The following ACTR3C variants were observed in gnomAD, a reference collection of about 807,000 sequenced individuals.
ACTR3C encodes actin related protein 3C.
ACTR3C carries 18 observed loss-of-function variants against 26.3 expected under a neutral mutation model. That is an observed-to-expected ratio of 0.68 (90% confidence interval 0.47 to 1.01). ACTR3C has a LOEUF of 1.01. Ranked by LOEUF, ACTR3C falls within the 50% of genes least tolerant of loss-of-function variation. The probability of loss-of-function intolerance (pLI) is 0.00; values close to 1 mark genes in which losing one functional copy is unlikely to be tolerated. For missense variants in ACTR3C, 184 were observed against 250.7 expected, an observed-to-expected ratio of 0.73 and a Z score of 1.80; for synonymous variants, 55 against 94.5, an observed-to-expected ratio of 0.58 and a Z score of 2.42.
At chr7:150,096,579 A>G in the ACTR3C span, among the ~76,000 whole-genome samples, 2 of 151,898 alleles carry the variant, frequency 1.3e-5, no homozygotes, top group Admixed American at 6.5e-5. Flanking sequence ...TACTACAGCT[A>G]CCATCCTAAA....
chr7:150,041,877 G>C, the ACTR3C span, among the ~76,000 whole-genome samples: 1 of 141,734 alleles, frequency 7.1e-6, no homozygotes, highest in Admixed American at 6.8e-5. Context: ...CGTGAGGGTT[G>C]CCTCCCCCTC....
the ACTR3C span, among the ~76,000 whole-genome samples, chr7:149,982,331 T>C: frequency 1.3e-5 from 2 of 152,282 alleles, no homozygotes; most frequent in East Asian, 3.9e-4. Flanking sequence ...TCATGAATTG[T>C]TTAAGTTCAC....
At chr7:149,978,320 C>T in the ACTR3C span, among the ~76,000 whole-genome samples, 4 of 151,880 alleles carry the variant, frequency 2.6e-5, no homozygotes, top group East Asian at 1.9e-4. Context: ...TGTGCGTCCA[C>T]GTGACTATTA....
the ACTR3C span, among the ~76,000 whole-genome samples, chr7:150,152,818 C>CTT: frequency 2.6e-5 from 4 of 152,048 alleles, no homozygotes; most frequent in Non-Finnish European, 2.9e-5. Context: ...AATTTCAGAG[C>CTT]CTGTTATTGG....
the ACTR3C span, among the ~76,000 whole-genome samples, chr7:150,070,861 C>T: frequency 6.7e-6 from 1 of 148,964 alleles, no homozygotes; most frequent in South Asian, 2.1e-4. Context: ...GTGGCGTGAT[C>T]TCAGCTCACT....
chr7:150,112,243 C>T, the ACTR3C span, among the ~76,000 whole-genome samples: 3 of 152,112 alleles, frequency 2.0e-5, no homozygotes, highest in Non-Finnish European at 2.9e-5. Flanking sequence ...CTGGGAACGG[C>T]CTCCTTCCTG....
At chr7:150,186,187 T>C in the ACTR3C span, among the ~76,000 whole-genome samples, 3 of 152,178 alleles carry the variant, frequency 2.0e-5, no homozygotes, top group Non-Finnish European at 2.9e-5. Context: ...AAACTCTCTC[T>C]TCTAAAACAA....
At chr7:150,097,451 G>A in the ACTR3C span, among the ~76,000 whole-genome samples, 5 of 151,606 alleles carry the variant, frequency 3.3e-5, no homozygotes, top group Non-Finnish European at 4.4e-5. Flanking sequence ...AGACTGCTTC[G>A]TAAGGAGTTC....
At chr7:150,299,315 C>T (rs558709318) in intron 1 of ACTR3C, among the ~76,000 whole-genome samples, 170 of 150,642 alleles carry the variant, frequency 1.1e-3, no homozygotes, top group African/African-American at 3.8e-3. Context: ...GTGTGGTAGC[C>T]GGGTGTGTGC....
chr7:150,012,465 C>A, the ACTR3C span, among the ~76,000 whole-genome samples: 2 of 151,830 alleles, frequency 1.3e-5, no homozygotes, highest in African/African-American at 4.8e-5. Flanking sequence ...CAGGCGCCCA[C>A]CACCATGCCC....
chr7:150,185,981 T>A, the ACTR3C span, among the ~76,000 whole-genome samples: 1 of 152,146 alleles, frequency 6.6e-6, no homozygotes, highest in East Asian at 1.9e-4. Flanking sequence ...TGATCTCGGA[T>A]TAGTGAAGAA....
chr7:150,131,323 A>G, the ACTR3C span, among the ~76,000 whole-genome samples: 1 of 151,700 alleles, frequency 6.6e-6, no homozygotes. Context: ...TTTATCTCTG[A>G]AATATGATGC....
the ACTR3C span, among the ~76,000 whole-genome samples, chr7:149,989,612 C>A: frequency 2.6e-5 from 4 of 152,206 alleles, no homozygotes; most frequent in Non-Finnish European, 5.9e-5. Flanking sequence ...ACAGACTCTC[C>A]TGCTTTTTTA....
chr7:150,312,624 G>C (rs1463342568), intron 1 of ACTR3C, among the ~76,000 whole-genome samples: 3 of 152,198 alleles, frequency 2.0e-5, no homozygotes, highest in Non-Finnish European at 4.4e-5. Context: ...TAGCTACATA[G>C]AAATGCACCT....
At chr7:150,301,062 TA>T (rs1454344069) in intron 1 of ACTR3C, among the ~76,000 whole-genome samples, 1 of 152,170 alleles carries the variant, frequency 6.6e-6, no homozygotes, top group Non-Finnish European at 1.5e-5. Flanking sequence ...AGTTAATACT[TA>T]TAAACACTTA....
At chr7:150,112,073 T>C in the ACTR3C span, among the ~76,000 whole-genome samples, 113,433 of 144,238 alleles carry the variant, frequency 0.79, 45,276 homozygotes, top group African/African-American at 0.94. Flanking sequence ...TTCCTCATTT[T>C]CATGATTTCC....
At chr7:150,172,769 C>T in the ACTR3C span, among the ~76,000 whole-genome samples, 1 of 150,538 alleles carries the variant, frequency 6.6e-6, no homozygotes, top group Non-Finnish European at 1.5e-5. Flanking sequence ...ATGGAGGTAC[C>T]AGTATTGGGT....
chr7:150,231,259 T>C, the ACTR3C span, among the ~76,000 whole-genome samples: 1 of 152,184 alleles, frequency 6.6e-6, no homozygotes, highest in Non-Finnish European at 1.5e-5. Flanking sequence ...CCTCAAAATC[T>C]CATGTTCAAA....
downstream of ACTR3C, among the ~76,000 whole-genome samples, chr7:150,239,538 C>CTATATATATATATA (rs1421039729): frequency 1.9e-5 from 2 of 104,260 alleles, no homozygotes; most frequent in Admixed American, 2.0e-4. Flanking sequence ...CTCTCTCTCT[C>CTATATATATATATA]TCTATATATA....
Sources: allele counts gnomAD v4.1 joint callset (sites outside exome capture counted in the v4.1 genomes callset), GRCh38; gene constraint gnomAD v4.1.1; transcripts MANE v1.5; gene names NCBI Gene and HGNC (gene_info 2026-07-23, HGNC 2026-07-21).